NOL6: variants seen among roughly 807,000 people sequenced by gnomAD.
The protein encoded by NOL6 is nucleolar RNA-associated protein.
Under a neutral mutation model 131.7 loss-of-function variants are expected in NOL6, and 33 were observed. That is an observed-to-expected ratio of 0.25 (90% CI 0.19 to 0.33). The LOEUF (loss-of-function observed/expected upper bound fraction) is 0.33. Among genes scored for constraint, NOL6 ranks in the 10% least tolerant of loss-of-function variants. The pLI is 1.00. For synonymous variants in NOL6, 580 were observed against 605.7 expected, an observed-to-expected ratio of 0.96 and a Z score of 0.62; for missense variants, 1,297 against 1,494.5, an observed-to-expected ratio of 0.87 and a Z score of 2.18.
Position 33,473,868 on chromosome 9 carries a change from A to G in NOL6, c.-26T>C. ...CACTCAGGGTCCAGCACTCTCCCGC[A>G]CTTCAGATTCTAGCCGGGTCTATAC... On this transcript the variant is annotated 5_prime_UTR_variant, in exon 1 of 26. Coordinates refer to ENST00000297990, the MANE Select transcript of NOL6 (RefSeq NM_022917.5). The G allele has an allele frequency of 6.2e-7, 1 of 1,609,408 alleles. No homozygotes were observed. The highest frequency in any genetic ancestry group is 8.5e-7 in the Non-Finnish European group (1 of 1,179,918).
chr9:33,472,214 G>A lies in NOL6; in HGVS notation c.253C>T (p.Arg85Cys), dbSNP rs115808915. Reference protein sequence around the residue: ...TEILFHSSLLRLQVEELLKEV... With the variant: ...TEILFHSSLLCLQVEELLKEV... Reference sequence around the variant, plus strand: ...CAGACACTCAACAGTACCTGTAAACGAAGCAAGCTGGAGTGGAACAAGATC... The same window carrying A: ...CAGACACTCAACAGTACCTGTAAACAAAGCAAGCTGGAGTGGAACAAGATC... The change falls in exon 2 of 26, where the codon CGT becomes TGT. Residue 85 changes from arginine to cysteine, a missense_variant. Arg to Cys is a radical substitution (Grantham distance 180). Coordinates refer to ENST00000297990, the MANE Select transcript of NOL6 (RefSeq NM_022917.5). 75 of 1,614,174 alleles carry A rather than the reference G, an allele frequency of 4.6e-5. No individual in the cohort carries two copies. The African/African-American group carries it at 4.9e-4, about 11-fold the overall frequency.
Position 33,463,811 on chromosome 9 carries a change from A to G in NOL6, c.2994+20T>C. 6.2e-7 allele frequency: 1 copy of G among 1,612,642 alleles called. No homozygotes were observed. The highest frequency in any genetic ancestry group is 8.5e-7 in the Non-Finnish European group (1 of 1,178,844). ...CAGAATCCCCAGAGGCCCTGGAGTC[A>G]CTGCTGGTCAGAAGCTTACCCTGAT... On this transcript the variant is annotated intron_variant, in intron 23 of 25. Coordinates refer to ENST00000297990, the MANE Select transcript of NOL6 (RefSeq NM_022917.5).
In NOL6 at chr9:33,473,878, C is replaced by T. The variant is rs1404648167; in HGVS notation, c.-36G>A. ...CCAGCACTCTCCCGCACTTCAGATT[C>T]TAGCCGGGTCTATACCTCATAGCTT... On this transcript the variant is annotated 5_prime_UTR_variant, in exon 1 of 26. It removes the in-frame stop codon of an upstream open reading frame in the 5' UTR. Transcript: ENST00000297990. 4.4e-6 allele frequency: 7 copies of T among 1,608,252 alleles called. No homozygotes were observed. The East Asian group carries it at 1.6e-4, about 36-fold the overall frequency.
chr9:33,472,495 G>C (rs1827441467), intron 1 of NOL6, 83 bp from the exon 2 acceptor site: 1 of 1,108,748 alleles, frequency 9.0e-7, no homozygotes, highest in African/African-American at 1.5e-5. Flanking sequence ...ATAGGTTGTG[G>C]GTAAAAGCTT....
chr9:33,465,350 C>A lies in NOL6; in HGVS notation c.2538G>T (p.Gln846His). 6.3e-7 allele frequency: 1 copy of A among 1,586,532 alleles called. No individual in the cohort carries two copies. Among genetic ancestry groups the A allele is most frequent in the Non-Finnish European group, 8.6e-7 (1 of 1,164,808 alleles). ...CCACACCAGAGAAGGCTGGGTGCTG[C>A]TGCTGCAGTCTGCAGAGAGAAGGGG... Reference protein sequence around the residue: ...LLTSALHGLQQQHPAFSGVAR... With the variant: ...LLTSALHGLQHQHPAFSGVAR... Residue 846 changes from glutamine (Q) to histidine (H), a missense_variant, in exon 20 of 26, where the codon CAG becomes CAT. Physicochemically the swap from Gln to His is conservative, Grantham distance 24. Transcript: ENST00000297990.
chr9:33,462,806 C>G lies in NOL6; in HGVS notation c.3299G>C (p.Ser1100Thr). The part of the protein sequence containing the change: ...SFQPQPFKAS[S>T]TKGRMVMSRG... ...AGACATCACCATGCGCCCCTTTGTG[C>G]TGGAGGCCTGGGGAAATCAGAGAAG... Residue 1100 changes from serine to threonine, a missense_variant, in exon 26 of 26, where the codon AGC (serine) becomes ACC (threonine). Transcript: ENST00000297990. 6.2e-7 allele frequency: 1 copy of G among 1,614,018 alleles called. No homozygotes were observed. Among genetic ancestry groups the G allele is most frequent in the Non-Finnish European group, 8.5e-7 (1 of 1,179,988 alleles).
rs752239787 is a variant in NOL6, at chr9:33,472,315, T to C, written c.152A>G (p.Gln51Arg). ...TTCTGCCCTGCTGAGCTTCACTGGC[T>C]GCAGGAGGCCCTTCGCTGGAGGTTC... Reference protein sequence around the residue: ...LAEPPAKGLLQPVKLSRAELY... With the variant: ...LAEPPAKGLLRPVKLSRAELY... Residue 51 changes from glutamine to arginine, a missense_variant, in exon 2 of 26, where the codon CAG becomes CGG. By Grantham distance (43) the Gln-to-Arg change is conservative (BLOSUM62 1). Transcript: ENST00000297990. 6.2e-7 allele frequency: 1 copy of C among 1,614,212 alleles called. No homozygotes were observed. Among genetic ancestry groups the C allele is most frequent in the Non-Finnish European group, 8.5e-7 (1 of 1,180,028 alleles).
In NOL6 at chr9:33,467,115, G is replaced by A. The variant is rs745982982; in HGVS notation, c.1873C>T (p.Leu625Phe). Reference protein sequence around the residue: ...PHQVVTHLLALHADIPETCVH... With the variant: ...PHQVVTHLLAFHADIPETCVH... The stretch of plus-strand genomic sequence containing the variant: ...TGGAATCCAGATGCCAACACTCACA[G>A]TGCCAAGAGGTGGGTGACCACCTGG... The change falls in exon 14 of 26, where the codon CTC becomes TTC. Residue 625 changes from leucine to phenylalanine, a missense_variant and splice_region_variant. Transcript: ENST00000297990. The surrounding 1 kb of genome is among the most constrained non-coding windows in gnomAD (Gnocchi z 4.4). 4.3e-6 allele frequency: 7 copies of A among 1,614,080 alleles called. No homozygotes were observed. Among genetic ancestry groups the A allele is most frequent in the Middle Eastern group, 1.6e-4 (1 of 6,084 alleles).
chr9:33,465,049 T>G, intron 20 of NOL6, 73 bp from the exon 21 acceptor site: 1 of 1,477,524 alleles, frequency 6.8e-7, no homozygotes, highest in Non-Finnish European at 9.4e-7. Flanking sequence ...GCTATGGAGC[T>G]CAGACCCCCT....
intron 1 of NOL6, 50 bp from the exon 2 acceptor site, chr9:33,472,462 C>A: frequency 6.7e-7 from 1 of 1,482,586 alleles, no homozygotes. Flanking sequence ...TATCTAGCAT[C>A]TGCTGCCTAA....
intron 15 of NOL6, 51 bp downstream of exon 15, chr9:33,466,857 TCTCC>T (rs1170641316): frequency 6.3e-7 from 1 of 1,589,196 alleles, no homozygotes; most frequent in African/African-American, 1.3e-5. Flanking sequence ...GAGAGGACTC[TCTCC>T]CCGCAGATTG....
intron 17 of NOL6, 37 bp from the exon 18 acceptor site, chr9:33,466,262 T>C (rs373791341): frequency 3.1e-4 from 504 of 1,612,720 alleles, no homozygotes; most frequent in Non-Finnish European, 4.1e-4. Context: ...TACTGTGGCC[T>C]GGAGCTGGAA....
At chr9:33,468,273 G>A (rs747139936) in intron 10 of NOL6, 48 bp downstream of exon 10, 3 of 1,610,150 alleles carry the variant, frequency 1.9e-6, no homozygotes, top group South Asian at 2.2e-5. Context: ...AAGGGACAGA[G>A]TCTGGGCTGA....
At chr9:33,471,049 A>G (rs545940363) in intron 3 of NOL6, among the ~76,000 whole-genome samples, 15 of 152,188 alleles carry the variant, frequency 9.9e-5, no homozygotes, top group African/African-American at 3.6e-4. Context: ...AAGGAGAGCA[A>G]ATTACCTGAG....
chr9:33,463,438 C>T lies in NOL6; in HGVS notation c.2998G>A (p.Val1000Met), dbSNP rs1827155082. 1 of 1,609,196 alleles carries T rather than the reference C, an allele frequency of 6.2e-7. No homozygotes were observed. The highest frequency in any genetic ancestry group is 8.5e-7 in the Non-Finnish European group (1 of 1,177,684). The change falls in exon 24 of 26, where the codon GTG becomes ATG. Residue 1000 changes from valine (V) to methionine (M), a missense_variant. Physicochemically the swap from Val to Met is conservative, Grantham distance 21 (BLOSUM62 1). Transcript: ENST00000297990. ...TAAATGTCCAAGGGCGGCCGGAACA[C>T]TGTCTAAGGAAGGGGAGAAGGAGGG... is the stretch of plus-strand genomic sequence containing the variant. Reference protein sequence around the residue: ...DPRGPGDIRTVFRPPLDIYDV... With the variant: ...DPRGPGDIRTMFRPPLDIYDV...
chr9:33,472,684 G>A, intron 1 of NOL6: 1 of 506,388 alleles, frequency 2.0e-6, no homozygotes, highest in South Asian at 2.2e-5. Context: ...GAAGCTGACT[G>A]GGCCCAGGCT....
rs1053193138 is a variant in NOL6 at position 33,469,109 on chromosome 9, G to A, written c.875C>T (p.Pro292Leu). The A allele has an allele frequency of 4.1e-5, 66 of 1,614,076 alleles. No homozygotes were observed. Among genetic ancestry groups the A allele is most frequent in the Non-Finnish European group, 5.2e-5 (61 of 1,180,038 alleles). Reference sequence around the variant, plus strand: ...CCATGTGTTATAGCGGGGGGTAGGAGGCTCTGGGCTACCTGTGGGATGAAA... The same window carrying A: ...CCATGTGTTATAGCGGGGGGTAGGAAGCTCTGGGCTACCTGTGGGATGAAA... ...QSPAGDGSPEPPTPRYNTWVL... is the reference protein window; with the variant it reads ...QSPAGDGSPELPTPRYNTWVL... Residue 292 changes from proline (P) to leucine (L), a missense_variant, in exon 7 of 26, where the codon CCT becomes CTT. By Grantham distance (98) the Pro-to-Leu change is moderately conservative. Transcript: ENST00000297990.
At chr9:33,473,661 G>T in intron 1 of NOL6, 128 bp downstream of exon 1, 1 of 1,053,784 alleles carries the variant, frequency 9.5e-7, no homozygotes, top group Non-Finnish European at 1.4e-6. Flanking sequence ...GCCACTGGCT[G>T]GAAACATCCT....
In NOL6 at chr9:33,462,443, G is replaced by GAGGCCCAGGAGACTACATGGGCCACC; in HGVS notation, c.*195_*220dup. 4.9e-6 allele frequency: 3 copies of GAGGCCCAGGAGACTACATGGGCCACC among 613,794 alleles called. 1 individual carries two copies. The highest frequency in any genetic ancestry group is 2.9e-6 in the Non-Finnish European group (1 of 346,610). 38.0% of individuals were successfully genotyped at this position (613,794 alleles called of 1,614,324 possible). On this transcript the variant is annotated 3_prime_UTR_variant, in exon 26 of 26. Coordinates refer to ENST00000297990, the MANE Select transcript of NOL6 (RefSeq NM_022917.5). ...GCTCCCACTCCTCTTCTGGGATGGT[G>GAGGCCCAGGAGACTACATGGGCCACC]AGGCCCAGGAGACTACATGGGCCAC... is the stretch of plus-strand genomic sequence containing the variant.
Sources: gnomAD v4.1 joint callset for allele counts (sites outside exome capture counted in the v4.1 genomes callset) on GRCh38, gnomAD v4.1.1 for gene constraint, Gnocchi (gnomAD v3.1) non-coding constraint, MANE v1.5 for transcripts, NCBI Gene and HGNC (gene_info 2026-07-23, HGNC 2026-07-21) for gene names.